Variants in COX16 observed in about 807,000 individuals in gnomAD.
COX16 encodes the protein cytochrome c oxidase assembly protein COX16 homolog, mitochondrial.
Under a neutral mutation model 15.4 loss-of-function variants are expected in COX16, and 12 were observed. The observed-to-expected ratio is 0.78, with a 90% CI of 0.50 to 1.26. The LOEUF (loss-of-function observed/expected upper bound fraction) is 1.26, where lower values mean the gene tolerates loss of function less well. COX16 is among the 50% of genes most tolerant of loss of function. COX16 has a pLI of 0.00. For synonymous variants in COX16, 46 were observed against 41.1 expected (o/e 1.12, Z -0.46); for missense variants, 124 against 127.6 (o/e 0.97, Z 0.14).
chr14:70,338,569 G>T (rs1886529004), intron 2 of COX16, among the ~76,000 whole-genome samples: 1 of 152,158 alleles, frequency 6.6e-6, no homozygotes. Context: ...CAACAAACCT[G>T]GTACCAGTCC....
At position 70,335,581 on chromosome 14, in the gene COX16, C is replaced by T. The variant is rs1468273383; in HGVS notation, c.142-6345G>A. On this transcript the variant is annotated intron_variant, in intron 2 of 3. Coordinates refer to ENST00000389912, the MANE Select transcript of COX16 (RefSeq NM_016468.7). ...ACAAATACATGGAAATTATACACAA[C>T]GCTCCTGAATGACCAAAGAGTTAAA... 6.1e-5 allele frequency among the ~76,000 whole-genome samples: 9 copies of T among 147,058 alleles called. No homozygotes were observed. The South Asian group carries it at 6.5e-4, about 11-fold the overall frequency.
At chr14:70,346,450 T>C (rs1886784835) in intron 1 of COX16, among the ~76,000 whole-genome samples, 1 of 152,154 alleles carries the variant, frequency 6.6e-6, no homozygotes, top group South Asian at 2.1e-4. Flanking sequence ...CAAATCCAGG[T>C]AAGCCCACCA....
intron 1 of COX16, among the ~76,000 whole-genome samples, chr14:70,344,924 T>G (rs1207533498): frequency 6.6e-6 from 1 of 152,116 alleles, no homozygotes; most frequent in African/African-American, 2.4e-5. Context: ...TGATGCCATT[T>G]TAGGCCTCAG....
intron 2 of COX16, among the ~76,000 whole-genome samples, chr14:70,330,801 G>C (rs1162071853): frequency 8.5e-5 from 13 of 152,250 alleles, no homozygotes; most frequent in Admixed American, 6.5e-5. Context: ...AATATTTGAT[G>C]ATTGCACAAT....
chr14:70,356,044 C>T lies in COX16; in HGVS notation c.69+3475G>A, dbSNP rs79382360. ...CCCGCACCAGAAGCAGATGCTGTGC[C>T]GTGCTTCACAGTATGTACAGCCTGC... On this transcript the variant is annotated intron_variant, in intron 1 of 3. Coordinates refer to ENST00000389912, the MANE Select transcript of COX16 (RefSeq NM_016468.7). Among the ~76,000 whole-genome samples the T allele has an allele frequency of 7.1e-4, 108 of 152,124 alleles. No homozygotes were observed. In the East Asian group the frequency reaches 0.015, roughly 21 times the overall value.
intron 1 of COX16, among the ~76,000 whole-genome samples, chr14:70,343,829 T>C (rs979122152): frequency 5.3e-5 from 8 of 152,216 alleles, no homozygotes; most frequent in Admixed American, 3.9e-4. Flanking sequence ...AGCTGATTTA[T>C]CAAGACAGGG....
At chr14:70,333,631 G>C (rs763240703) in intron 2 of COX16, among the ~76,000 whole-genome samples, 9 of 152,202 alleles carry the variant, frequency 5.9e-5, no homozygotes, top group Admixed American at 2.0e-4. Context: ...TGGAGTTAAA[G>C]TGGGAACTAA....
chr14:70,350,975 C>A (rs2140743723), intron 1 of COX16, among the ~76,000 whole-genome samples: 1 of 152,300 alleles, frequency 6.6e-6, no homozygotes, highest in African/African-American at 2.4e-5. Context: ...GGAATTTACA[C>A]AACTCAGAAA....
At chr14:70,331,536 T>C (rs897211873) in intron 2 of COX16, among the ~76,000 whole-genome samples, 1 of 152,156 alleles carries the variant, frequency 6.6e-6, no homozygotes, top group Non-Finnish European at 1.5e-5. Flanking sequence ...AGTGATTAAC[T>C]TCATCGGTCA....
chr14:70,354,313 T>C (rs1887059188), intron 1 of COX16, among the ~76,000 whole-genome samples: 1 of 152,232 alleles, frequency 6.6e-6, no homozygotes, highest in Admixed American at 6.5e-5. Context: ...CAAAATAACT[T>C]TTGTTTCAGT....
intron 2 of COX16, among the ~76,000 whole-genome samples, chr14:70,335,750 A>G (rs931634634): frequency 6.6e-6 from 1 of 152,208 alleles, no homozygotes; most frequent in African/African-American, 2.4e-5. Context: ...CAGAAGTTCA[A>G]ATTTACTATC....
At position 70,359,622 on chromosome 14, in the gene COX16, G is replaced by A. The variant is rs753315368; in HGVS notation, c.-35C>T. 9 of 1,604,358 alleles carry A rather than the reference G, an allele frequency of 5.6e-6. No homozygotes were observed. Among genetic ancestry groups the A allele is most frequent in the South Asian group, 1.1e-5 (1 of 90,822 alleles). On this transcript the variant is annotated 5_prime_UTR_variant, in exon 1 of 4. Coordinates refer to ENST00000389912, the MANE Select transcript of COX16 (RefSeq NM_016468.7). ...CTTCCATCGGCTCAGAACTCCAAGC[G>A]GGCCTAGCGCAGACTCCCAAATCTC...
chr14:70,334,866 G>C (rs996387024), intron 2 of COX16, among the ~76,000 whole-genome samples: 2 of 152,178 alleles, frequency 1.3e-5, no homozygotes, highest in Non-Finnish European at 2.9e-5. Flanking sequence ...AATAATAACA[G>C]TGAATGTAAA....
Position 70,346,946 on chromosome 14 carries a change from G to A in COX16, c.70-4217C>T, listed in dbSNP as rs922328045. Among the ~76,000 whole-genome samples the A allele has an allele frequency of 9.1e-4, 138 of 151,852 alleles. 1 individual carries two copies. The highest frequency in any genetic ancestry group is 5.8e-4 in the East Asian group (3 of 5,186). ...CCCAACGCATCAACCCAGACCCCTCGGGGCATCTAACTTTCTTCTACTCCT... is the reference window on the plus strand; with the variant it reads ...CCCAACGCATCAACCCAGACCCCTCAGGGCATCTAACTTTCTTCTACTCCT... On this transcript the variant is annotated intron_variant, in intron 1 of 3. Coordinates refer to ENST00000389912, the MANE Select transcript of COX16 (RefSeq NM_016468.7).
intron 2 of COX16, among the ~76,000 whole-genome samples, chr14:70,330,572 G>C (rs1886251383): frequency 6.6e-6 from 1 of 152,144 alleles, no homozygotes; most frequent in Non-Finnish European, 1.5e-5. Flanking sequence ...AGAATTCTTA[G>C]TGTAAAAAGA....
chr14:70,359,181 T>C (rs1887220498), intron 1 of COX16: 1 of 477,546 alleles, frequency 2.1e-6, no homozygotes, highest in Admixed American at 2.3e-5. Context: ...GCTTAAAGTG[T>C]GGTTCTGACT....
chr14:70,326,099 G>A lies in COX16; in HGVS notation c.*234C>T, dbSNP rs1886061342. Reference sequence around the variant, plus strand: ...GAGCAGTATTCACATTTTTTATTTCGAGGTGTAAAATATACGTGGCCAACA... The same window carrying A: ...GAGCAGTATTCACATTTTTTATTTCAAGGTGTAAAATATACGTGGCCAACA... On this transcript the variant is annotated 3_prime_UTR_variant, in exon 4 of 4. Coordinates refer to ENST00000389912, the MANE Select transcript of COX16 (RefSeq NM_016468.7). 4.0e-6 allele frequency: 1 copy of A among 247,182 alleles called. No homozygotes were observed. Among genetic ancestry groups the A allele is most frequent in the East Asian group, 7.6e-5 (1 of 13,174 alleles). The allele number at this position is 247,182 out of a possible 1,614,324, so 15.3% of individuals were successfully genotyped here. A position where few individuals can be genotyped will look rare whatever the true frequency, so the allele number is the denominator to read the frequency against.
At chr14:70,348,878 A>G (rs565355415) in intron 1 of COX16, among the ~76,000 whole-genome samples, 40 of 152,288 alleles carry the variant, frequency 2.6e-4, no homozygotes, top group African/African-American at 9.4e-4. Context: ...GGACAATCCT[A>G]TATCGGCTGG....
At chr14:70,331,275 G>T (rs1886280095) in intron 2 of COX16, among the ~76,000 whole-genome samples, 1 of 152,068 alleles carries the variant, frequency 6.6e-6, no homozygotes, top group Admixed American at 6.6e-5. Context: ...CAAAGTGCTG[G>T]GATTACAGGT....
Sources: allele counts gnomAD v4.1 joint callset (sites outside exome capture counted in the v4.1 genomes callset), GRCh38; gene constraint gnomAD v4.1.1; transcripts MANE v1.5; gene names NCBI Gene and HGNC (gene_info 2026-07-23, HGNC 2026-07-21).